Variants in SENP5 observed in about 807,000 individuals in gnomAD.
The protein encoded by SENP5 is sentrin-specific protease 5.
Under a neutral mutation model 74.2 loss-of-function variants are expected in SENP5, and 21 were observed. That is an observed-to-expected ratio of 0.28 (90% CI 0.20 to 0.41). The LOEUF (loss-of-function observed/expected upper bound fraction) is 0.41. Ranked by LOEUF, SENP5 falls within the 10% of genes least tolerant of loss-of-function variation. The pLI is 1.00. For missense variants in SENP5, 717 were observed against 889.1 expected, an observed-to-expected ratio of 0.81 and a Z score of 2.46; for synonymous variants, 311 against 312.7, an observed-to-expected ratio of 0.99 and a Z score of 0.06.
chr3:196,915,216 G>A (rs546789308), intron 6 of SENP5, among the ~76,000 whole-genome samples: 99 of 152,354 alleles, frequency 6.5e-4, no homozygotes, highest in African/African-American at 2.3e-3. Flanking sequence ...GTCAGAGCCT[G>A]TGGATTTGGG....
At chr3:196,913,647 C>CTTTTTTTT (rs1229412806) in intron 6 of SENP5, among the ~76,000 whole-genome samples, 8 of 98,082 alleles carry the variant, frequency 8.2e-5, no homozygotes, top group Non-Finnish European at 1.7e-4. Flanking sequence ...ATAAGAAAGG[C>CTTTTTTTT]TTTTTTTTTT....
intron 2 of SENP5, among the ~76,000 whole-genome samples, chr3:196,891,760 C>T: frequency 6.6e-6 from 1 of 152,184 alleles, no homozygotes; most frequent in South Asian, 2.1e-4. Context: ...GGTAGCTCGA[C>T]TGCATTCCAC....
intron 1 of SENP5, among the ~76,000 whole-genome samples, chr3:196,876,274 G>T (rs1044713886): frequency 3.9e-5 from 6 of 152,160 alleles, no homozygotes; most frequent in Non-Finnish European, 5.9e-5. Flanking sequence ...AGGCGCTGTG[G>T]CTCACGCCTG....
rs1229412806 is a variant in SENP5 at position 196,913,647 on chromosome 3, C to CTTTT, written c.1885-9748_1885-9745dup. ...GTGATGAAAAGGTTTATAAGAAAGG[C>CTTTT]TTTTTTTTTTTTTTTTTTTTTTGAT... On this transcript the variant is annotated intron_variant, in intron 6 of 9. Transcript: ENST00000323460. Among the ~76,000 whole-genome samples the CTTTT allele has an allele frequency of 1.7e-3, 171 of 98,040 alleles. 1 individual carries two copies. The highest frequency in any genetic ancestry group is 2.2e-3 in the South Asian group (5 of 2,310). 64.3% of individuals were successfully genotyped at this position (98,040 alleles called of 152,430 possible). A position where few individuals can be genotyped will look rare whatever the true frequency, so the allele number is the denominator to read the frequency against.
rs375137455 is a variant in SENP5, at chr3:196,886,562, C to G, written c.1381C>G (p.Pro461Ala). The change falls in exon 2 of 10, where the codon CCT (proline) becomes GCT (alanine). Residue 461 changes from proline to alanine, a missense_variant. Pro to Ala is a conservative substitution (Grantham distance 27). Around this residue, in one of 4 missense-constraint regions of SENP5, gnomAD observed 567 missense variants for 577.4 expected, o/e 0.98. Transcript: ENST00000323460. ...TCTTAGTTCTGAGTTGCTGGACCAC[C>G]CTTACTGTAAAAGTCCACTGGAGGC... Reference protein sequence around the residue: ...SILSSELLDHPYCKSPLEAPL... With the variant: ...SILSSELLDHAYCKSPLEAPL... 1.1e-4 allele frequency: 177 copies of G among 1,613,762 alleles called. No individual in the cohort carries two copies. The highest frequency in any genetic ancestry group is 1.4e-4 in the Non-Finnish European group (160 of 1,179,924).
chr3:196,882,504 TTTTTA>T (rs1201219313), intron 1 of SENP5, among the ~76,000 whole-genome samples: 2 of 152,072 alleles, frequency 1.3e-5, no homozygotes, highest in African/African-American at 4.8e-5. Flanking sequence ...CATCCTTTAT[TTTTTA>T]TTTTATTTTT....
intron 1 of SENP5, among the ~76,000 whole-genome samples, chr3:196,869,621 G>T (rs1369727106): frequency 6.6e-6 from 1 of 151,692 alleles, no homozygotes; most frequent in East Asian, 2.0e-4. Context: ...TTAGCCAGGC[G>T]TGGTGGCGCA....
chr3:196,929,989 A>G (rs1408312014), intron 9 of SENP5, among the ~76,000 whole-genome samples: 3 of 115,546 alleles, frequency 2.6e-5, no homozygotes, highest in Admixed American at 2.5e-4. Flanking sequence ...CATTTGCATA[A>G]AAAAAAAAAA....
At chr3:196,906,638 A>G (rs933503661) in intron 6 of SENP5, among the ~76,000 whole-genome samples, 1 of 152,246 alleles carries the variant, frequency 6.6e-6, no homozygotes, top group African/African-American at 2.4e-5. Context: ...AAACATAGGC[A>G]GAAGGAATAA....
At chr3:196,887,979 G>A (rs60892542) in intron 2 of SENP5, among the ~76,000 whole-genome samples, 36,315 of 151,926 alleles carry the variant, frequency 0.24, 4,598 homozygotes, top group African/African-American at 0.34. Context: ...TGTTGCCCAG[G>A]CTGGTCTCGA....
intron 2 of SENP5, among the ~76,000 whole-genome samples, chr3:196,889,257 C>T (rs1190111860): frequency 6.6e-6 from 1 of 151,496 alleles, no homozygotes; most frequent in African/African-American, 2.4e-5. Flanking sequence ...CCAGATTTCC[C>T]TACTGAGGTT....
At chr3:196,927,957 T>A in intron 8 of SENP5, 78 bp downstream of exon 8, 2 of 868,110 alleles carry the variant, frequency 2.3e-6, no homozygotes, top group Non-Finnish European at 3.7e-6. Context: ...TTAAGAGCAT[T>A]TGAAGACTAG....
chr3:196,919,345 G>A (rs1469092928), intron 6 of SENP5, among the ~76,000 whole-genome samples: 1 of 152,168 alleles, frequency 6.6e-6, no homozygotes, highest in Non-Finnish European at 1.5e-5. Context: ...GCCAGGGGTG[G>A]TGGCAGGCAC....
At position 196,933,459 on chromosome 3, in the gene SENP5, C is replaced by T. The variant is rs939379651; in HGVS notation, c.*2536C>T. 6.6e-6 allele frequency: 1 copy of T among 152,138 alleles called. No individual in the cohort carries two copies. The highest frequency in any genetic ancestry group is 1.5e-5 in the Non-Finnish European group (1 of 68,044). 9.4% of individuals were successfully genotyped at this position (152,138 alleles called of 1,614,324 possible). A position where few individuals can be genotyped will look rare whatever the true frequency, so the allele number is the denominator to read the frequency against. Reference sequence around the variant, plus strand: ...AGTCCTAGATTAGAATGTCCTTTGTCCTGATGTTTGCAGTAATTGCTTCCT... The same window carrying T: ...AGTCCTAGATTAGAATGTCCTTTGTTCTGATGTTTGCAGTAATTGCTTCCT... On this transcript the variant is annotated 3_prime_UTR_variant, in exon 10 of 10. Transcript: ENST00000323460.
chr3:196,909,761 CAATAAT>C (rs1715046234), intron 6 of SENP5, among the ~76,000 whole-genome samples: 1 of 152,156 alleles, frequency 6.6e-6, no homozygotes, highest in African/African-American at 2.4e-5. Context: ...AAACATATCT[CAATAAT>C]AAGAGCTATT....
intron 2 of SENP5, among the ~76,000 whole-genome samples, chr3:196,893,538 G>T (rs1714302636): frequency 6.6e-6 from 1 of 152,092 alleles, no homozygotes; most frequent in East Asian, 1.9e-4. Flanking sequence ...TAGGGAATTG[G>T]TTACAATACA....
intron 2 of SENP5, among the ~76,000 whole-genome samples, chr3:196,889,202 AAAC>A (rs1025727373): frequency 7.2e-5 from 11 of 151,966 alleles, no homozygotes; most frequent in Admixed American, 6.6e-5. Context: ...TTAAAAAAAA[AAAC>A]AACACCAAAA....
chr3:196,914,576 AAAAAAAAAAAATATATATATATATAT>A (rs1715276190), intron 6 of SENP5: 1 of 75,452 alleles, frequency 1.3e-5, no homozygotes. Flanking sequence ...AAAAAAAAAA[AAAAAAAAAAAATATATATATATATAT>A]ATATATATAT....
At chr3:196,908,351 TAAAG>T (rs1388440153) in intron 6 of SENP5, among the ~76,000 whole-genome samples, 1 of 152,010 alleles carries the variant, frequency 6.6e-6, no homozygotes, top group Non-Finnish European at 1.5e-5. Flanking sequence ...CCTGGGTAAA[TAAAG>T]AAATTAAGGC....
Sources: gnomAD v4.1 joint callset for allele counts (sites outside exome capture counted in the v4.1 genomes callset) on GRCh38, gnomAD v4.1.1 for gene constraint, gnomAD v4.1.1 regional missense constraint, MANE v1.5 for transcripts, NCBI Gene and HGNC (gene_info 2026-07-23, HGNC 2026-07-21) for gene names.